Variants in NCKAP5 observed in about 807,000 individuals in gnomAD.
NCKAP5 encodes the protein nck-associated protein 5.
A neutral mutation model predicts 167.0 loss-of-function variants in NCKAP5; 92 were observed. That is an observed-to-expected ratio of 0.55 (90% CI 0.47 to 0.66). NCKAP5 has a LOEUF of 0.66. Among genes scored for constraint, NCKAP5 ranks in the 30% least tolerant of loss-of-function variants. The probability of loss-of-function intolerance (pLI) is 0.00; values close to 1 mark genes in which losing one functional copy is unlikely to be tolerated. For missense variants in NCKAP5, 2,378 were observed against 2,315.0 expected (o/e 1.03, Z -0.56); for synonymous variants, 891 against 877.4 (o/e 1.02, Z -0.27).
rs368923718 is a variant in NCKAP5 at position 133,111,274 on chromosome 2, G to A, written c.341+18704C>T. The stretch of plus-strand genomic sequence containing the variant: ...GTAGACAAAGAACCCTCTAAAAGCA[G>A]ATTGTTGCTGTAGACCTGCCATATA... On this transcript the variant is annotated intron_variant, in intron 6 of 19. Transcript: ENST00000409261. 1.1e-4 allele frequency among the ~76,000 whole-genome samples: 17 copies of A among 152,268 alleles called. No individual in the cohort carries two copies. In the East Asian group the frequency reaches 1.9e-3, roughly 17 times the overall value.
chr2:133,029,185 C>T (rs950204392), intron 6 of NCKAP5, among the ~76,000 whole-genome samples: 4 of 152,162 alleles, frequency 2.6e-5, no homozygotes, highest in Non-Finnish European at 5.9e-5. Flanking sequence ...GAGTGACTCT[C>T]CCATACATTT....
chr2:132,760,997 G>A (rs1232313314), intron 16 of NCKAP5, among the ~76,000 whole-genome samples: 5 of 152,100 alleles, frequency 3.3e-5, no homozygotes, highest in African/African-American at 1.2e-4. Context: ...CCACATGAGT[G>A]CAAACTAATG....
At chr2:132,762,870 C>T (rs765975356) in intron 16 of NCKAP5, among the ~76,000 whole-genome samples, 1 of 152,186 alleles carries the variant, frequency 6.6e-6, no homozygotes, top group East Asian at 1.9e-4. Flanking sequence ...TAACAAACCA[C>T]TGGGGACTTT....
chr2:133,351,629 G>C (rs1350314717), intron 3 of NCKAP5, among the ~76,000 whole-genome samples: 1 of 152,142 alleles, frequency 6.6e-6, no homozygotes, highest in Non-Finnish European at 1.5e-5. Flanking sequence ...ACACAAGGAG[G>C]AGGTAATGCT....
intron 5 of NCKAP5, 24 bp from the exon 6 acceptor site, chr2:133,130,135 AC>A: frequency 1.3e-6 from 2 of 1,589,782 alleles, no homozygotes; most frequent in Non-Finnish European, 1.7e-6. Context: ...AAAGGGGATG[AC>A]TTTTAGGAAG....
intron 15 of NCKAP5, among the ~76,000 whole-genome samples, chr2:132,776,476 T>C (rs887375828): frequency 2.0e-5 from 3 of 152,158 alleles, no homozygotes; most frequent in Non-Finnish European, 2.9e-5. Context: ...TGGGGACTTA[T>C]GAGAAGAACT....
chr2:133,269,968 A>G (rs950997501), intron 4 of NCKAP5, among the ~76,000 whole-genome samples: 5 of 152,230 alleles, frequency 3.3e-5, no homozygotes, highest in Non-Finnish European at 7.3e-5. Flanking sequence ...GGCCCTAGCA[A>G]CCGGAAGGAT....
chr2:132,967,141 TGAG>T (rs1480457153), intron 7 of NCKAP5, among the ~76,000 whole-genome samples: 1 of 146,516 alleles, frequency 6.8e-6, no homozygotes, highest in Admixed American at 6.9e-5. Context: ...CTGCAAATAA[TGAG>T]GAGCCACTGC....
chr2:133,528,739 G>A (rs1685119375), intron 2 of NCKAP5, among the ~76,000 whole-genome samples: 1 of 152,132 alleles, frequency 6.6e-6, no homozygotes, highest in Admixed American at 6.5e-5. Context: ...CCTTCACTCA[G>A]GACATTTGGA....
chr2:132,782,676 G>A lies in NCKAP5; in HGVS notation c.4135C>T (p.Leu1379Phe), dbSNP rs183296693. The A allele has an allele frequency of 1.2e-6, 2 of 1,613,486 alleles. No homozygotes were observed. Among genetic ancestry groups the A allele is most frequent in the Non-Finnish European group, 1.7e-6 (2 of 1,179,662 alleles). ...TCTTCCTTTCCAGGTGGGATGAGGA[G>A]TCCCTCAGACTTTGGAGGGATCCTC... ...PLRIPPKSEG[L>F]LIPPGKEDQQ... Residue 1379 changes from leucine to phenylalanine, a missense_variant, in exon 14 of 20, where the codon CTC becomes TTC. Physicochemically the swap from Leu to Phe is conservative, Grantham distance 22. Transcript: ENST00000409261.
In NCKAP5 at chr2:133,077,923, T is replaced by C. The variant is rs183153576; in HGVS notation, c.341+52055A>G. On this transcript the variant is annotated intron_variant, in intron 6 of 19. Transcript: ENST00000409261. The stretch of plus-strand genomic sequence containing the variant: ...CTTTTCCATCTCACCAAATGGATGA[T>C]GCTTTTATGTCTAAGAAACCCATAG... Among the ~76,000 whole-genome samples, 3 of 152,340 alleles carry C rather than the reference T, an allele frequency of 2.0e-5. No individual in the cohort carries two copies. In the East Asian group the frequency reaches 5.8e-4, roughly 29 times the overall value.
chr2:133,288,801 G>A (rs932490277), intron 4 of NCKAP5, among the ~76,000 whole-genome samples: 3 of 152,088 alleles, frequency 2.0e-5, no homozygotes, highest in Non-Finnish European at 4.4e-5. Context: ...ATTAATATCT[G>A]CCTTCTTTCA....
chr2:133,585,731 T>TTATG, the NCKAP5 span, among the ~76,000 whole-genome samples: 1 of 152,236 alleles, frequency 6.6e-6, no homozygotes, highest in Non-Finnish European at 1.5e-5. Flanking sequence ...TATGCATTAT[T>TTATG]CATGCTCTTT....
intron 7 of NCKAP5, among the ~76,000 whole-genome samples, chr2:132,972,428 A>G (rs1276087883): frequency 2.0e-5 from 3 of 152,176 alleles, no homozygotes; most frequent in African/African-American, 7.2e-5. Flanking sequence ...CTTGCTTAGA[A>G]AGCCTTAGTA....
intron 7 of NCKAP5, among the ~76,000 whole-genome samples, chr2:132,981,912 G>A (rs2077151327): frequency 2.0e-5 from 3 of 152,202 alleles, no homozygotes; most frequent in Admixed American, 1.3e-4. Context: ...ACAACAGATT[G>A]TGCAGTGGAA....
At chr2:133,366,880 A>T (rs555965509) in intron 3 of NCKAP5, among the ~76,000 whole-genome samples, 1 of 152,300 alleles carries the variant, frequency 6.6e-6, no homozygotes, top group East Asian at 1.9e-4. Flanking sequence ...TGCCCAATTT[A>T]TCATAAGGAA....
intron 16 of NCKAP5, among the ~76,000 whole-genome samples, chr2:132,739,091 A>C (rs1423787744): frequency 2.0e-5 from 3 of 152,218 alleles, no homozygotes; most frequent in Non-Finnish European, 4.4e-5. Flanking sequence ...AAAGAAAAAA[A>C]GTTGATTTCC....
chr2:132,848,317 T>G (rs963406574), intron 11 of NCKAP5, among the ~76,000 whole-genome samples: 1 of 152,254 alleles, frequency 6.6e-6, no homozygotes, highest in Admixed American at 6.5e-5. Flanking sequence ...AGGCATCAGC[T>G]TGCAGATTAC....
At chr2:133,447,264 C>A (rs1273250369) in intron 3 of NCKAP5, among the ~76,000 whole-genome samples, 1 of 152,140 alleles carries the variant, frequency 6.6e-6, no homozygotes, top group Non-Finnish European at 1.5e-5. Context: ...ATGTGCATAT[C>A]TTACTGAGCT....
Sources: gnomAD v4.1 joint callset for allele counts (sites outside exome capture counted in the v4.1 genomes callset) on GRCh38, gnomAD v4.1.1 for gene constraint, MANE v1.5 for transcripts, NCBI Gene and HGNC (gene_info 2026-07-23, HGNC 2026-07-21) for gene names.